Variants in MASP1 observed in about 807,000 individuals in gnomAD.
MASP1 encodes the protein MBL associated serine protease 1.
Under a neutral mutation model 77.1 loss-of-function variants are expected in MASP1, and 59 were observed. The ratio of observed to expected loss-of-function variants is 0.77; its 90% CI spans 0.62 to 0.95. The LOEUF is 0.95. Ranked by LOEUF, MASP1 falls within the 40% of genes least tolerant of loss-of-function variation. The pLI, the probability that MASP1 is intolerant of heterozygous loss-of-function variation, is 0.00. For missense variants in MASP1, 885 were observed against 912.9 expected (o/e 0.97, Z 0.39); for synonymous variants, 362 against 354.5 (o/e 1.02, Z -0.24).
intron 10 of MASP1, among the ~76,000 whole-genome samples, chr3:187,237,076 C>T (rs1038958082): frequency 4.6e-5 from 7 of 152,228 alleles, no homozygotes; most frequent in Admixed American, 3.9e-4. Context: ...AACAAAGATG[C>T]TGGAAGCCTT....
chr3:187,263,984 G>GA (rs1253613012), intron 2 of MASP1, among the ~76,000 whole-genome samples: 1 of 152,096 alleles, frequency 6.6e-6, no homozygotes, highest in Non-Finnish European at 1.5e-5. Flanking sequence ...CAAGATGCAT[G>GA]AAAAAAATCT....
intron 14 of MASP1, among the ~76,000 whole-genome samples, chr3:187,221,589 T>G (rs1176919788): frequency 6.6e-6 from 1 of 152,230 alleles, no homozygotes; most frequent in Non-Finnish European, 1.5e-5. Flanking sequence ...GGTTGCAGTA[T>G]TTGATATACT....
At chr3:187,284,939 T>A in intron 2 of MASP1, among the ~76,000 whole-genome samples, 1 of 152,230 alleles carries the variant, frequency 6.6e-6, no homozygotes, top group Non-Finnish European at 1.5e-5. Context: ...TTACTGGCTA[T>A]GGAATAATGA....
At position 187,235,156 on chromosome 3, in the gene MASP1, G is replaced by A. The variant is rs1465968946; in HGVS notation, c.*528C>T. On this transcript the variant is annotated 3_prime_UTR_variant, in exon 11 of 11. Transcript: ENST00000296280. ...CACTAAGAGAGAGGGGCTTGGCTATGAGCCATCTCCCAAAACCTGAATGCT... is the reference window on the plus strand; with the variant it reads ...CACTAAGAGAGAGGGGCTTGGCTATAAGCCATCTCCCAAAACCTGAATGCT... The A allele has an allele frequency of 7.0e-6, 9 of 1,287,640 alleles. No individual in the cohort carries two copies. The Admixed American group carries it at 9.2e-5, about 13-fold the overall frequency. The allele number at this position is 1,287,640 out of a possible 1,614,324, so 79.8% of individuals were successfully genotyped here. A position where few individuals can be genotyped will look rare whatever the true frequency, so the allele number is the denominator to read the frequency against.
At chr3:187,248,483 C>T (rs996129310) in intron 8 of MASP1, among the ~76,000 whole-genome samples, 3 of 152,206 alleles carry the variant, frequency 2.0e-5, no homozygotes. Context: ...CTTGTAGAGT[C>T]TGCATTTGTA....
At chr3:187,282,985 G>A (rs1183894397) in intron 2 of MASP1, among the ~76,000 whole-genome samples, 1 of 152,204 alleles carries the variant, frequency 6.6e-6, no homozygotes. Flanking sequence ...TATGCCCAGA[G>A]GTCATCTGTC....
intron 2 of MASP1, among the ~76,000 whole-genome samples, chr3:187,272,584 C>G (rs930372888): frequency 2.0e-5 from 3 of 152,130 alleles, no homozygotes; most frequent in Non-Finnish European, 4.4e-5. Context: ...AGTTTGGACA[C>G]AGAGACACAC....
chr3:187,281,182 T>A (rs994048366), intron 2 of MASP1, among the ~76,000 whole-genome samples: 1 of 152,250 alleles, frequency 6.6e-6, no homozygotes, highest in Admixed American at 6.5e-5. Flanking sequence ...GCTGTGCAGA[T>A]GTGCATGAGT....
intron 10 of MASP1, among the ~76,000 whole-genome samples, chr3:187,240,104 A>G (rs955456764): frequency 2.1e-5 from 3 of 143,134 alleles, no homozygotes; most frequent in African/African-American, 7.9e-5. Flanking sequence ...TTCCGCCATG[A>G]TTGTGAGGCC....
At chr3:187,225,311 T>C (rs760252530) in intron 13 of MASP1, 1 of 1,612,212 alleles carries the variant, frequency 6.2e-7, no homozygotes, top group South Asian at 1.1e-5. Flanking sequence ...GAGGTGGAGG[T>C]AGGGGAAAGT....
intron 12 of MASP1, chr3:187,225,575 T>TCAGCCCCCGCCC: frequency 1.3e-6 from 2 of 1,547,910 alleles, no homozygotes; most frequent in Admixed American, 1.7e-5. Flanking sequence ...TTGTTCCCTG[T>TCAGCCCCCGCCC]CAGCCCCCGC....
chr3:187,257,609 T>A (rs546163665), intron 4 of MASP1, among the ~76,000 whole-genome samples: 11 of 152,222 alleles, frequency 7.2e-5, no homozygotes, highest in African/African-American at 2.4e-4. Flanking sequence ...GATCTCAAAT[T>A]CCTAGACTCA....
In MASP1 at chr3:187,234,524, C is replaced by T; in HGVS notation, c.*1160G>A. 7.8e-7 allele frequency: 1 copy of T among 1,287,044 alleles called. No homozygotes were observed. Among genetic ancestry groups the T allele is most frequent in the Non-Finnish European group, 1.0e-6 (1 of 988,530 alleles). The allele number at this position is 1,287,044 out of a possible 1,614,324, so 79.7% of individuals were successfully genotyped here. ...CAGCCAGTTGGGGGCAGAGCAGGGA[C>T]TAGAACCCAGGACTCCTGGCTCTTT... On this transcript the variant is annotated 3_prime_UTR_variant, in exon 11 of 11. Transcript: ENST00000296280.
intron 3 of MASP1, 81 bp from the exon 4 acceptor site, chr3:187,260,953 G>A (rs1715526717): frequency 1.3e-6 from 2 of 1,492,550 alleles, no homozygotes; most frequent in African/African-American, 2.8e-5. Flanking sequence ...CACTTGATAT[G>A]GGCCACTCAC....
In MASP1 at chr3:187,254,207, A is replaced by G. The variant is rs538142551; in HGVS notation, c.745-892T>C. Among the ~76,000 whole-genome samples the G allele has an allele frequency of 3.9e-5, 6 of 152,352 alleles. No individual in the cohort carries two copies. The South Asian group carries it at 1.2e-3, about 32-fold the overall frequency. On this transcript the variant is annotated intron_variant, in intron 5 of 10. Coordinates refer to ENST00000296280, the MANE Select transcript of MASP1 (RefSeq NM_139125.4). Reference sequence around the variant, plus strand: ...ATAATCAAGATGATATGCATATACAAAAGAAATATATGCTGTATGTTTATA... The same window carrying G: ...ATAATCAAGATGATATGCATATACAGAAGAAATATATGCTGTATGTTTATA...
chr3:187,291,393 G>A (rs1022801649), intron 1 of MASP1: 1 of 607,100 alleles, frequency 1.6e-6, no homozygotes, highest in Non-Finnish European at 3.0e-6. Flanking sequence ...GCAGCGTCCG[G>A]AGCAGGATTT....
At chr3:187,267,593 T>C (rs1199102732) in intron 2 of MASP1, among the ~76,000 whole-genome samples, 2 of 152,256 alleles carry the variant, frequency 1.3e-5, no homozygotes, top group African/African-American at 2.4e-5. Flanking sequence ...CTCACGTTCC[T>C]CTACTCTGCA....
At position 187,236,512 on chromosome 3, in the gene MASP1, GC is replaced by G. The variant is rs1713200038; in HGVS notation, c.1358del (p.Gly453AlafsTer14). 6.2e-7 allele frequency: 1 copy of G among 1,613,858 alleles called. No homozygotes were observed. The highest frequency in any genetic ancestry group is 1.3e-5 in the African/African-American group (1 of 74,904). On this transcript the variant is annotated frameshift_variant, in exon 11 of 11. Coordinates refer to ENST00000296280, the MANE Select transcript of MASP1 (RefSeq NM_139125.4). LOFTEE classifies it high-confidence loss of function. ...GGAAGAGGCCAGGCTCAGCATTTCGGCCCCCAATGATCCTCTTGACCAGGCT... is the reference window on the plus strand; with the variant it reads ...GGAAGAGGCCAGGCTCAGCATTTCGGCCCCAATGATCCTCTTGACCAGGCT... ...LPSLVKRIIG[G>X]RNAEPGLFPW...
chr3:187,221,671 C>G (rs1018600803), intron 14 of MASP1, among the ~76,000 whole-genome samples: 1 of 152,170 alleles, frequency 6.6e-6, no homozygotes, highest in Non-Finnish European at 1.5e-5. Flanking sequence ...ATATTAGCTA[C>G]TGTGGAGTTA....
Sources: allele counts gnomAD v4.1 joint callset (sites outside exome capture counted in the v4.1 genomes callset), GRCh38; gene constraint gnomAD v4.1.1; transcripts MANE v1.5; gene names NCBI Gene and HGNC (gene_info 2026-07-23, HGNC 2026-07-21).